Variants in UNC5D observed in about 807,000 individuals in gnomAD.
UNC5D encodes unc-5 netrin receptor D, also known as netrin receptor UNC5D.
A neutral mutation model predicts 105.4 loss-of-function variants in UNC5D; 39 were observed. The observed-to-expected ratio is 0.37, with a 90% CI of 0.29 to 0.48. The LOEUF (loss-of-function observed/expected upper bound fraction) is 0.48. Ranked by LOEUF, UNC5D falls within the 20% of genes least tolerant of loss-of-function variation. The pLI is 0.98. For synonymous variants in UNC5D, 452 were observed against 450.4 expected (o/e 1.00, Z -0.04); for missense variants, 991 against 1,202.4 (o/e 0.82, Z 2.60).
chr8:35,537,040 G>A (rs957155600), intron 1 of UNC5D, among the ~76,000 whole-genome samples: 2 of 151,920 alleles, frequency 1.3e-5, no homozygotes, highest in African/African-American at 4.8e-5. Flanking sequence ...GGTGTTATTG[G>A]TATCATTTAA....
At chr8:35,490,252 C>T (rs1158057803) in intron 1 of UNC5D, among the ~76,000 whole-genome samples, 1 of 152,146 alleles carries the variant, frequency 6.6e-6, no homozygotes, top group Non-Finnish European at 1.5e-5. Flanking sequence ...CCTGTAATCC[C>T]AGCACTTTGG....
intron 1 of UNC5D, among the ~76,000 whole-genome samples, chr8:35,474,015 T>G (rs1444268373): frequency 6.6e-6 from 1 of 152,168 alleles, no homozygotes; most frequent in African/African-American, 2.4e-5. Context: ...AATCTGTTCA[T>G]GAGGACGGTG....
intron 1 of UNC5D, among the ~76,000 whole-genome samples, chr8:35,340,608 G>A (rs1324590060): frequency 1.3e-5 from 2 of 152,148 alleles, no homozygotes; most frequent in African/African-American, 4.8e-5. Context: ...CCCAGGTCCA[G>A]AATTCATTGT....
intron 16 of UNC5D, among the ~76,000 whole-genome samples, chr8:35,780,583 G>GA (rs1020513128): frequency 6.6e-6 from 1 of 151,726 alleles, no homozygotes; most frequent in Non-Finnish European, 1.5e-5. Context: ...GAAGGGAGGG[G>GA]AAAAAAAAGA....
At chr8:35,402,328 G>A (rs553818807) in intron 1 of UNC5D, among the ~76,000 whole-genome samples, 6 of 152,078 alleles carry the variant, frequency 3.9e-5, no homozygotes, top group Non-Finnish European at 7.3e-5. Flanking sequence ...TGAAAGGCAC[G>A]TCTTACATTG....
At chr8:35,778,374 T>C (rs188754556) in intron 16 of UNC5D, among the ~76,000 whole-genome samples, 15 of 152,310 alleles carry the variant, frequency 9.8e-5, no homozygotes, top group African/African-American at 3.4e-4. Flanking sequence ...AACAGGGATT[T>C]TTTGGATGTA....
At chr8:35,640,983 A>G (rs1586315732) in intron 4 of UNC5D, among the ~76,000 whole-genome samples, 1 of 152,054 alleles carries the variant, frequency 6.6e-6, no homozygotes, top group Admixed American at 6.6e-5. Context: ...CCATTAGAGA[A>G]CATCCCTTTT....
At chr8:35,639,133 A>G (rs1822556240) in intron 4 of UNC5D, among the ~76,000 whole-genome samples, 1 of 152,204 alleles carries the variant, frequency 6.6e-6, no homozygotes, top group African/African-American at 2.4e-5. Flanking sequence ...GTAGGAGAGA[A>G]ATAAATAGAA....
intron 1 of UNC5D, among the ~76,000 whole-genome samples, chr8:35,456,911 G>C (rs1808535664): frequency 6.6e-6 from 1 of 152,178 alleles, no homozygotes; most frequent in Non-Finnish European, 1.5e-5. Context: ...CACTAAACAT[G>C]CATCTCCCTT....
intron 4 of UNC5D, among the ~76,000 whole-genome samples, chr8:35,627,099 A>G (rs1175701121): frequency 2.0e-5 from 3 of 152,210 alleles, no homozygotes. Context: ...AATTTTGCTA[A>G]ATTAAGCACA....
intron 1 of UNC5D, 133 bp downstream of exon 1, chr8:35,236,020 G>T: frequency 1.3e-6 from 1 of 793,628 alleles, no homozygotes; most frequent in Non-Finnish European, 1.7e-6. Context: ...CCAACCGGAT[G>T]GGAGCCGAGT....
At chr8:35,428,026 T>C (rs1265402273) in intron 1 of UNC5D, among the ~76,000 whole-genome samples, 1 of 152,178 alleles carries the variant, frequency 6.6e-6, no homozygotes, top group Admixed American at 6.5e-5. Context: ...CAATATTTGA[T>C]AAAGATAAAG....
At chr8:35,693,199 A>G (rs1440445250) in intron 7 of UNC5D, among the ~76,000 whole-genome samples, 1 of 151,846 alleles carries the variant, frequency 6.6e-6, no homozygotes, top group Non-Finnish European at 1.5e-5. Flanking sequence ...TTTAAAAACT[A>G]TTTTTTTTAC....
At chr8:35,347,504 T>A (rs528502207) in intron 1 of UNC5D, among the ~76,000 whole-genome samples, 8 of 152,162 alleles carry the variant, frequency 5.3e-5, no homozygotes, top group Non-Finnish European at 1.0e-4. Context: ...AATATCAATA[T>A]AAAGATTTTG....
intron 1 of UNC5D, among the ~76,000 whole-genome samples, chr8:35,399,646 A>C (rs529275173): frequency 6.6e-6 from 1 of 152,276 alleles, no homozygotes; most frequent in Non-Finnish European, 1.5e-5. Flanking sequence ...GATAAGAAAA[A>C]AGTTGAGAAT....
intron 2 of UNC5D, among the ~76,000 whole-genome samples, chr8:35,555,098 TAC>T (rs1816443054): frequency 6.6e-6 from 1 of 152,214 alleles, no homozygotes; most frequent in African/African-American, 2.4e-5. Flanking sequence ...ATCACTAAAG[TAC>T]ATTTGGGAAG....
chr8:35,339,557 T>C (rs565013629), intron 1 of UNC5D, among the ~76,000 whole-genome samples: 79 of 152,316 alleles, frequency 5.2e-4, no homozygotes, highest in African/African-American at 1.8e-3. Flanking sequence ...AAATAGAATA[T>C]ACAGAGGCGT....
At chr8:35,337,986 A>T (rs1203468494) in intron 1 of UNC5D, among the ~76,000 whole-genome samples, 1 of 152,250 alleles carries the variant, frequency 6.6e-6, no homozygotes, top group Non-Finnish European at 1.5e-5. Flanking sequence ...AATGCAAATG[A>T]TTATATTAAA....
At chr8:35,396,168 C>A (rs926942031) in intron 1 of UNC5D, among the ~76,000 whole-genome samples, 1 of 152,158 alleles carries the variant, frequency 6.6e-6, no homozygotes, top group Non-Finnish European at 1.5e-5. Flanking sequence ...CTGAAATCTA[C>A]ATTTAGGAAT....
Sources: allele counts gnomAD v4.1 joint callset (sites outside exome capture counted in the v4.1 genomes callset), GRCh38; gene constraint gnomAD v4.1.1; transcripts MANE v1.5; gene names NCBI Gene and HGNC (gene_info 2026-07-23, HGNC 2026-07-21).